FER1L6: variants seen among roughly 807,000 people sequenced by gnomAD.
FER1L6 encodes fer-1 like family member 6.
Under a neutral mutation model 219.2 loss-of-function variants are expected in FER1L6, and 177 were observed. The ratio of observed to expected loss-of-function variants is 0.81; its 90% CI spans 0.71 to 0.91. The LOEUF (loss-of-function observed/expected upper bound fraction) is 0.91. Ranked by LOEUF, FER1L6 falls within the 40% of genes least tolerant of loss-of-function variation. The probability of loss-of-function intolerance (pLI) is 0.00; values close to 1 mark genes in which losing one functional copy is unlikely to be tolerated. For synonymous variants in FER1L6, 768 were observed against 824.3 expected (o/e 0.93, Z 1.17); for missense variants, 2,153 against 2,259.9 (o/e 0.95, Z 0.96).
At position 124,003,494 on chromosome 8, in the gene FER1L6, T is replaced by C. The variant is rs956014370; in HGVS notation, c.1700+147T>C. 1.3e-5 allele frequency: 8 copies of C among 624,240 alleles called. No homozygotes were observed. In the East Asian group the frequency reaches 2.4e-4, roughly 19 times the overall value. The allele number at this position is 624,240 out of a possible 1,614,324, so 38.7% of individuals were successfully genotyped here. A position where few individuals can be genotyped will look rare whatever the true frequency, so the allele number is the denominator to read the frequency against. ...TTTTTTTTTTTTTGAGACGGAGTCT[T>C]GCTTGGTCACCAGACTGGAGTGCAG... is the stretch of plus-strand genomic sequence containing the variant. On this transcript the variant is annotated intron_variant, in intron 13 of 40. Transcript: ENST00000522917.
chr8:123,989,301 T>C (rs1451884386), intron 12 of FER1L6, among the ~76,000 whole-genome samples: 1 of 152,198 alleles, frequency 6.6e-6, no homozygotes, highest in Non-Finnish European at 1.5e-5. Flanking sequence ...TGTCTTTGTA[T>C]GGTTTTGGTT....
At chr8:124,049,371 T>C (rs995092232) in intron 21 of FER1L6, among the ~76,000 whole-genome samples, 1 of 152,046 alleles carries the variant, frequency 6.6e-6, no homozygotes, top group African/African-American at 2.4e-5. Context: ...ATACAGGTCC[T>C]TTTAGGATCA....
chr8:123,939,155 T>G (rs1255837739), intron 1 of FER1L6: 2 of 985,360 alleles, frequency 2.0e-6, no homozygotes, highest in Admixed American at 6.1e-5. Context: ...TTTCTCAAAT[T>G]GTGACCTGTG....
chr8:124,054,067 T>A (rs1820170818), intron 22 of FER1L6, among the ~76,000 whole-genome samples: 1 of 152,202 alleles, frequency 6.6e-6, no homozygotes, highest in South Asian at 2.1e-4. Context: ...AGGCCCGCCC[T>A]GCAGATTGTT....
intron 1 of FER1L6, among the ~76,000 whole-genome samples, chr8:123,922,393 A>G (rs988341987): frequency 2.0e-5 from 3 of 152,226 alleles, no homozygotes; most frequent in African/African-American, 7.2e-5. Context: ...CCTCCGACTG[A>G]GGAAAGAATC....
At chr8:124,050,117 A>G (rs752327952) in intron 22 of FER1L6, among the ~76,000 whole-genome samples, 2 of 152,118 alleles carry the variant, frequency 1.3e-5, no homozygotes, top group Admixed American at 6.5e-5. Context: ...CGGTGTGGTG[A>G]TTGTTGTCTC....
chr8:123,963,751 CA>C (rs1815406774), intron 3 of FER1L6, among the ~76,000 whole-genome samples: 1 of 152,178 alleles, frequency 6.6e-6, no homozygotes, highest in Admixed American at 6.5e-5. Context: ...TTGTCTGTCT[CA>C]AATCAGAAGG....
chr8:123,930,587 C>T (rs935495213), intron 1 of FER1L6, among the ~76,000 whole-genome samples: 2 of 152,110 alleles, frequency 1.3e-5, no homozygotes, highest in African/African-American at 4.8e-5. Context: ...TGACTAATCT[C>T]CTGTGCTCAG....
At chr8:124,006,339 G>A (rs1173879754) in intron 13 of FER1L6, among the ~76,000 whole-genome samples, 1 of 152,232 alleles carries the variant, frequency 6.6e-6, no homozygotes, top group East Asian at 1.9e-4. Flanking sequence ...CTGGCTCAAG[G>A]AGATCAAAAT....
chr8:123,898,671 G>GTA (rs1309978960), intron 1 of FER1L6, among the ~76,000 whole-genome samples: 1 of 133,626 alleles, frequency 7.5e-6, no homozygotes, highest in Non-Finnish European at 1.5e-5. Context: ...ATATATATAC[G>GTA]TATATATATA....
intron 1 of FER1L6, among the ~76,000 whole-genome samples, chr8:123,896,490 C>T (rs1327952183): frequency 6.6e-6 from 1 of 152,190 alleles, no homozygotes; most frequent in Non-Finnish European, 1.5e-5. Flanking sequence ...GGAACCAGCC[C>T]TTCTGCTTTG....
At chr8:124,053,673 C>T (rs1395020295) in intron 22 of FER1L6, among the ~76,000 whole-genome samples, 2 of 152,002 alleles carry the variant, frequency 1.3e-5, no homozygotes, top group Non-Finnish European at 2.9e-5. Context: ...GCCTCAGCAA[C>T]ATAGTGGGAT....
chr8:124,095,010 A>G lies in FER1L6; in HGVS notation c.4667A>G (p.Tyr1556Cys), dbSNP rs546097971. The part of the protein sequence containing the change: ...VPEHIETRPL[Y>C]HKDKPGMEQG... ...GAACACATAGAAACTCGGCCACTGT[A>G]CCACAAGGATAAGCCAGGAATGGAG... The change falls in exon 35 of 41, where the codon TAC becomes TGC. Residue 1556 changes from tyrosine (Y) to cysteine (C), a missense_variant. Physicochemically the swap from Tyr to Cys is radical, Grantham distance 194. Coordinates refer to ENST00000522917, the MANE Select transcript of FER1L6 (RefSeq NM_001039112.2). 269 of 1,614,180 alleles carry G rather than the reference A, an allele frequency of 1.7e-4. No individual in the cohort carries two copies. In the South Asian group the frequency reaches 2.9e-3, roughly 17 times the overall value.
chr8:124,039,845 C>G, intron 19 of FER1L6, 37 bp from the exon 20 acceptor site: 1 of 1,613,472 alleles, frequency 6.2e-7, no homozygotes, highest in African/African-American at 1.3e-5. Flanking sequence ...CTTGAAAAGC[C>G]CACTAACACC....
rs1422127274 is a variant in FER1L6 at position 123,969,909 on chromosome 8, AT to A, written c.385-124del. The A allele has an allele frequency of 1.3e-5, 9 of 696,764 alleles. No homozygotes were observed. In the Admixed American group the frequency reaches 1.5e-4, roughly 11 times the overall value. 43.2% of individuals were successfully genotyped at this position (696,764 alleles called of 1,614,324 possible). On this transcript the variant is annotated intron_variant, in intron 5 of 40. Coordinates refer to ENST00000522917, the MANE Select transcript of FER1L6 (RefSeq NM_001039112.2). Reference sequence around the variant, plus strand: ...AAAGAGAATTGACAATTGACAATCAATTGATGATGTATATATATTCATGCAG... The same window carrying A: ...AAAGAGAATTGACAATTGACAATCAATGATGATGTATATATATTCATGCAG...
chr8:123,866,469 C>T (rs1465849312), intron 1 of FER1L6, among the ~76,000 whole-genome samples: 1 of 152,150 alleles, frequency 6.6e-6, no homozygotes, highest in East Asian at 1.9e-4. Context: ...CAGATATATC[C>T]TTGGCATGCC....
Position 124,045,895 on chromosome 8 carries a change from C to T in FER1L6, c.2718C>T (p.Asp906=), listed in dbSNP as rs532200482. ...PLVVVELYDS[D]AVGKPEYLGA... ...TGGTGGTGGAGCTGTATGACAGCGA[C>T]GCTGTGGTGAGTGTCCCCCTGGGCC... The change falls in exon 21 of 41, where the codon GAC becomes GAT. Residue 906 remains aspartate, a synonymous_variant. Transcript: ENST00000522917. The T allele has an allele frequency of 1.4e-5, 23 of 1,613,714 alleles. No homozygotes were observed. In the Admixed American group the frequency reaches 1.8e-4, roughly 13 times the overall value.
At chr8:123,887,539 G>A (rs1162757335) in intron 1 of FER1L6, among the ~76,000 whole-genome samples, 4 of 152,206 alleles carry the variant, frequency 2.6e-5, no homozygotes, top group Non-Finnish European at 4.4e-5. Context: ...ATCCAGATAG[G>A]TGAGTGTCCT....
chr8:124,053,892 C>T (rs1820159621), intron 22 of FER1L6, among the ~76,000 whole-genome samples: 1 of 152,160 alleles, frequency 6.6e-6, no homozygotes, highest in South Asian at 2.1e-4. Flanking sequence ...TACCTTTGTT[C>T]TCCTATGCAC....
Sources: allele counts gnomAD v4.1 joint callset (sites outside exome capture counted in the v4.1 genomes callset), GRCh38; gene constraint gnomAD v4.1.1; transcripts MANE v1.5; gene names NCBI Gene and HGNC (gene_info 2026-07-23, HGNC 2026-07-21).